Variants in PELI2 observed in about 807,000 individuals in gnomAD.
The protein encoded by PELI2 is pellino E3 ubiquitin protein ligase family member 2, also known as E3 ubiquitin-protein ligase pellino homolog 2.
In PELI2, 23 loss-of-function variants were observed where a neutral mutation model predicts 42.3. The observed-to-expected ratio is 0.54, with a 90% confidence interval of 0.39 to 0.77. The LOEUF is 0.77. PELI2 is among the 30% of genes least tolerant of loss of function. The pLI is 0.00. For synonymous variants in PELI2, 245 were observed against 212.2 expected, an observed-to-expected ratio of 1.15 and a Z score of -1.34; for missense variants, 463 against 553.2, an observed-to-expected ratio of 0.84 and a Z score of 1.64.
chr14:56,227,054 A>G (rs894041481), intron 2 of PELI2, among the ~76,000 whole-genome samples: 4 of 152,242 alleles, frequency 2.6e-5, no homozygotes, highest in Non-Finnish European at 5.9e-5. Flanking sequence ...TCTATTATAC[A>G]AAATGAAAAC....
At chr14:56,281,398 C>A (rs942722294) in intron 3 of PELI2, among the ~76,000 whole-genome samples, 1 of 152,008 alleles carries the variant, frequency 6.6e-6, no homozygotes, top group Non-Finnish European at 1.5e-5. Flanking sequence ...CCACTTCATG[C>A]TTTATTTTTA....
At chr14:56,238,488 T>C (rs1887870927) in intron 2 of PELI2, among the ~76,000 whole-genome samples, 1 of 152,208 alleles carries the variant, frequency 6.6e-6, no homozygotes, top group Non-Finnish European at 1.5e-5. Context: ...GTAATAGCAG[T>C]TGAAGATGCT....
At chr14:56,136,431 A>G (rs1409066442) in intron 1 of PELI2, among the ~76,000 whole-genome samples, 1 of 152,212 alleles carries the variant, frequency 6.6e-6, no homozygotes, top group Non-Finnish European at 1.5e-5. Context: ...CTTGTAATGC[A>G]TTGGGCTGTT....
chr14:56,292,205 A>G (rs779142504), intron 5 of PELI2, among the ~76,000 whole-genome samples: 1 of 152,218 alleles, frequency 6.6e-6, no homozygotes, highest in African/African-American at 2.4e-5. Context: ...GTTAGTCCCT[A>G]TAAGCGACAC....
chr14:56,229,957 A>G (rs1399572234), intron 2 of PELI2, among the ~76,000 whole-genome samples: 5 of 152,374 alleles, frequency 3.3e-5, no homozygotes, highest in Admixed American at 3.3e-4. Flanking sequence ...ATGCATGCAG[A>G]AGCTTCAGTA....
chr14:56,244,534 A>G (rs1888084667), intron 2 of PELI2, among the ~76,000 whole-genome samples: 1 of 152,178 alleles, frequency 6.6e-6, no homozygotes, highest in Non-Finnish European at 1.5e-5. Context: ...TAATGAACAA[A>G]AGGTTCCCAG....
chr14:56,283,180 C>T (rs1278782043), intron 3 of PELI2, among the ~76,000 whole-genome samples: 1 of 152,196 alleles, frequency 6.6e-6, no homozygotes, highest in East Asian at 1.9e-4. Flanking sequence ...GACTCACATG[C>T]TCACTTTCTT....
At chr14:56,268,482 C>G (rs1014022107) in intron 2 of PELI2, among the ~76,000 whole-genome samples, 2 of 152,152 alleles carry the variant, frequency 1.3e-5, no homozygotes, top group African/African-American at 4.8e-5. Context: ...GATTTTCTCT[C>G]TCTCTTAGTC....
At chr14:56,220,189 C>G (rs540612876) in intron 2 of PELI2, among the ~76,000 whole-genome samples, 1 of 152,194 alleles carries the variant, frequency 6.6e-6, no homozygotes, top group Non-Finnish European at 1.5e-5. Context: ...TGACAGAGCA[C>G]TGTTGCCAGT....
intron 2 of PELI2, among the ~76,000 whole-genome samples, chr14:56,202,414 C>T (rs183548919): frequency 2.0e-5 from 3 of 152,156 alleles, no homozygotes; most frequent in Admixed American, 6.5e-5. Context: ...TGAAAGCCCT[C>T]CTTGGCCCAT....
Position 56,290,274 on chromosome 14 carries a change from G to A in PELI2, c.514G>A (p.Ala172Thr). 1 of 1,589,038 alleles carries A rather than the reference G, an allele frequency of 6.3e-7. No individual in the cohort carries two copies. The highest frequency in any genetic ancestry group is 8.6e-7 in the Non-Finnish European group (1 of 1,163,784). Reference protein sequence around the residue: ...SSKNIFLGEKAAKWKNPDGHM... With the variant: ...SSKNIFLGEKTAKWKNPDGHM... ...TCTGCTGTGTTCTCTCCAGGAAAAG[G>A]CAGCAAAGTGGAAAAACCCCGACGG... The change falls in exon 5 of 6, where the codon GCA (alanine) becomes ACA (threonine). Residue 172 changes from alanine to threonine, a missense_variant. This residue lies in a region of PELI2 where 343 missense variants were observed against 378.4 expected (regional missense o/e 0.91). Transcript: ENST00000267460.
intron 2 of PELI2, among the ~76,000 whole-genome samples, chr14:56,264,162 C>G (rs1888819214): frequency 6.6e-6 from 1 of 152,184 alleles, no homozygotes; most frequent in Non-Finnish European, 1.5e-5. Flanking sequence ...AGGCGAAGCT[C>G]TGCCTTCTTG....
chr14:56,203,688 C>G (rs1013933271), intron 2 of PELI2, among the ~76,000 whole-genome samples: 4 of 152,130 alleles, frequency 2.6e-5, no homozygotes, highest in African/African-American at 7.2e-5. Context: ...TAAGTCTGCC[C>G]TTACTGTGCC....
At chr14:56,267,970 C>T (rs1481300117) in intron 2 of PELI2, among the ~76,000 whole-genome samples, 2 of 152,110 alleles carry the variant, frequency 1.3e-5, no homozygotes, top group Non-Finnish European at 2.9e-5. Flanking sequence ...CATGGTAAGT[C>T]ATTGGGTATC....
chr14:56,274,680 A>G (rs1423382691), intron 2 of PELI2, among the ~76,000 whole-genome samples: 1 of 152,240 alleles, frequency 6.6e-6, no homozygotes, highest in East Asian at 1.9e-4. Flanking sequence ...CAGGACAGCC[A>G]GTTCTAACTG....
chr14:56,189,555 A>C (rs1885886768), intron 2 of PELI2, among the ~76,000 whole-genome samples: 1 of 152,204 alleles, frequency 6.6e-6, no homozygotes, highest in African/African-American at 2.4e-5. Flanking sequence ...GATGGGAAAC[A>C]CCTGGAACGC....
At chr14:56,250,427 A>G (rs1284184513) in intron 2 of PELI2, among the ~76,000 whole-genome samples, 3 of 151,924 alleles carry the variant, frequency 2.0e-5, no homozygotes, top group East Asian at 3.9e-4. Context: ...GTGAAGTCCC[A>G]CAATAGGCCA....
rs149221625 is a variant in PELI2, at chr14:56,275,439, A to G, written c.208-4237A>G. On this transcript the variant is annotated intron_variant, in intron 2 of 5. Coordinates refer to ENST00000267460, the MANE Select transcript of PELI2 (RefSeq NM_021255.3). Reference sequence around the variant, plus strand: ...TAACTAAATAATTATATAATTCACCATAATATAGAATCAGTGGGAGCCCTG... The same window carrying G: ...TAACTAAATAATTATATAATTCACCGTAATATAGAATCAGTGGGAGCCCTG... Among the ~76,000 whole-genome samples the G allele has an allele frequency of 2.0e-3, 307 of 152,296 alleles. 7 individuals are homozygous for G. In the East Asian group the frequency reaches 0.041, roughly 20 times the overall value.
intron 5 of PELI2, among the ~76,000 whole-genome samples, chr14:56,293,077 G>C (rs1032172800): frequency 2.0e-4 from 31 of 152,148 alleles, no homozygotes; most frequent in African/African-American, 7.5e-4. Context: ...TGTCTTTCCA[G>C]TGTTGCTTAA....
Sources: gnomAD v4.1 joint callset for allele counts (sites outside exome capture counted in the v4.1 genomes callset) on GRCh38, gnomAD v4.1.1 for gene constraint, gnomAD v4.1.1 regional missense constraint, MANE v1.5 for transcripts, NCBI Gene and HGNC (gene_info 2026-07-23, HGNC 2026-07-21) for gene names.